Variants in CCBE1 observed in about 807,000 individuals in gnomAD.
CCBE1 encodes the protein collagen and calcium-binding EGF domain-containing protein 1.
In CCBE1, 37 loss-of-function variants were observed where a neutral mutation model predicts 50.0. The ratio of observed to expected loss-of-function variants is 0.74; its 90% confidence interval spans 0.57 to 0.97. The LOEUF (loss-of-function observed/expected upper bound fraction) is 0.97, where lower values mean the gene tolerates loss of function less well. Among genes scored for constraint, CCBE1 ranks in the 50% least tolerant of loss-of-function variants. The pLI, the probability that CCBE1 is intolerant of heterozygous loss-of-function variation, is 0.00. For synonymous variants in CCBE1, 234 were observed against 203.7 expected (o/e 1.15, Z -1.27); for missense variants, 538 against 523.8 (o/e 1.03, Z -0.26).
chr18:59,516,531 A>G (rs949516701), intron 2 of CCBE1, among the ~76,000 whole-genome samples: 57 of 152,144 alleles, frequency 3.7e-4, no homozygotes, highest in African/African-American at 1.3e-3. Flanking sequence ...CATTCCACTG[A>G]TAGGGGCAAA....
intron 7 of CCBE1, 84 bp downstream of exon 7, chr18:59,447,899 C>T: frequency 6.3e-7 from 1 of 1,595,634 alleles, no homozygotes; most frequent in South Asian, 1.1e-5. Flanking sequence ...AGCTGGAGAA[C>T]ATTGTCCAGG....
intron 2 of CCBE1, among the ~76,000 whole-genome samples, chr18:59,625,160 G>A (rs1179435803): frequency 6.6e-6 from 1 of 152,188 alleles, no homozygotes; most frequent in African/African-American, 2.4e-5. Context: ...GGCCGGGCGT[G>A]GTGGCTCCCA....
chr18:59,696,831 G>A, intron 1 of CCBE1, 122 bp from the exon 2 acceptor site: 2 of 1,111,892 alleles, frequency 1.8e-6, no homozygotes, highest in Non-Finnish European at 2.7e-6. Flanking sequence ...CTCTGGGCAG[G>A]GGCTGGTCCC....
chr18:59,553,164 C>T (rs1025435496), intron 2 of CCBE1, among the ~76,000 whole-genome samples: 5 of 152,154 alleles, frequency 3.3e-5, no homozygotes, highest in African/African-American at 1.2e-4. Flanking sequence ...ATTAATGTGA[C>T]ATAATTTTAA....
At chr18:59,656,268 A>AT (rs1166266635) in intron 2 of CCBE1, among the ~76,000 whole-genome samples, 1 of 152,202 alleles carries the variant, frequency 6.6e-6, no homozygotes, top group African/African-American at 2.4e-5. Flanking sequence ...AGTTGACTGA[A>AT]TTTTCTAGTA....
intron 2 of CCBE1, among the ~76,000 whole-genome samples, chr18:59,589,686 C>G (rs1173670286): frequency 6.7e-6 from 1 of 149,940 alleles, no homozygotes; most frequent in Admixed American, 6.7e-5. Context: ...GTAGTCCCAG[C>G]TACTCAGGAG....
rs139331807 is a variant in CCBE1 at position 59,495,292 on chromosome 18, T to A, written c.213-15054A>T. 5.2e-3 allele frequency among the ~76,000 whole-genome samples: 795 copies of A among 151,572 alleles called. 4 individuals are homozygous for A. The highest frequency in any genetic ancestry group is 0.019 in the African/African-American group (767 of 40,900). ...AATTACGTAACTGTGATTAACATGG[T>A]TAATCACCGTTTATGTACTTTGGAT... On this transcript the variant is annotated intron_variant, in intron 2 of 10. Transcript: ENST00000439986.
intron 2 of CCBE1, among the ~76,000 whole-genome samples, chr18:59,536,715 C>T (rs765126042): frequency 6.6e-5 from 10 of 152,068 alleles, no homozygotes; most frequent in Non-Finnish European, 1.3e-4. Flanking sequence ...TTTGGCTGGG[C>T]GCAATGGCTG....
chr18:59,565,909 G>A (rs1435751141), intron 2 of CCBE1, among the ~76,000 whole-genome samples: 1 of 152,088 alleles, frequency 6.6e-6, no homozygotes, highest in African/African-American at 2.4e-5. Flanking sequence ...ATCTTCTCAG[G>A]CTGTTACGTC....
chr18:59,676,920 A>G (rs1049278323), intron 2 of CCBE1, among the ~76,000 whole-genome samples: 1 of 152,210 alleles, frequency 6.6e-6, no homozygotes, highest in Admixed American at 6.5e-5. Flanking sequence ...TGAGACAGGA[A>G]AGAGTCTTAA....
intron 5 of CCBE1, among the ~76,000 whole-genome samples, chr18:59,461,287 A>C: frequency 6.7e-6 from 1 of 149,278 alleles, no homozygotes; most frequent in African/African-American, 2.4e-5. Flanking sequence ...CACACTGCTG[A>C]AGAGTGGAGG....
At chr18:59,510,541 C>A (rs768824633) in intron 2 of CCBE1, among the ~76,000 whole-genome samples, 1 of 152,062 alleles carries the variant, frequency 6.6e-6, no homozygotes, top group Non-Finnish European at 1.5e-5. Context: ...CCTGTCTCAG[C>A]GTCTCAAGTA....
chr18:59,582,292 G>A (rs1174044353), intron 2 of CCBE1, among the ~76,000 whole-genome samples: 3 of 152,126 alleles, frequency 2.0e-5, no homozygotes, highest in African/African-American at 7.2e-5. Context: ...TGACAAAAGA[G>A]AAAACTGCAT....
chr18:59,599,587 A>T (rs1292889959), intron 2 of CCBE1, among the ~76,000 whole-genome samples: 4 of 152,196 alleles, frequency 2.6e-5, no homozygotes, highest in Non-Finnish European at 5.9e-5. Flanking sequence ...GAATTTTCTT[A>T]TCACTTATGG....
At chr18:59,624,359 AG>A (rs1233580325) in intron 2 of CCBE1, among the ~76,000 whole-genome samples, 1 of 152,216 alleles carries the variant, frequency 6.6e-6, no homozygotes, top group East Asian at 1.9e-4. Context: ...GTTGCAATTG[AG>A]GGGACAGCTG....
At chr18:59,613,863 GTTTTT>G (rs34847608) in intron 2 of CCBE1, among the ~76,000 whole-genome samples, 14 of 98,426 alleles carry the variant, frequency 1.4e-4, no homozygotes, top group Middle Eastern at 6.6e-3. Context: ...TCTCTGATGG[GTTTTT>G]TTTTTTTTTT....
intron 2 of CCBE1, among the ~76,000 whole-genome samples, chr18:59,670,502 A>G (rs940641369): frequency 6.6e-6 from 1 of 152,190 alleles, no homozygotes; most frequent in Non-Finnish European, 1.5e-5. Context: ...TCTCATGGTC[A>G]TGCATGCGTG....
chr18:59,451,546 A>T (rs182670944), intron 6 of CCBE1, among the ~76,000 whole-genome samples: 4 of 151,102 alleles, frequency 2.6e-5, no homozygotes, highest in African/African-American at 7.3e-5. Context: ...CTATCCCCAC[A>T]CTCTCCCTTT....
chr18:59,529,871 GA>G, intron 2 of CCBE1, among the ~76,000 whole-genome samples: 1 of 152,212 alleles, frequency 6.6e-6, no homozygotes, highest in Non-Finnish European at 1.5e-5. Flanking sequence ...GGATCTTTTG[GA>G]AAAAACTGTG....
Sources: allele counts gnomAD v4.1 joint callset (sites outside exome capture counted in the v4.1 genomes callset), GRCh38; gene constraint gnomAD v4.1.1; transcripts MANE v1.5; gene names NCBI Gene and HGNC (gene_info 2026-07-23, HGNC 2026-07-21).